IWS1: variants seen among roughly 807,000 people sequenced by gnomAD.
IWS1 encodes the protein protein IWS1 homolog.
A neutral mutation model predicts 86.7 loss-of-function variants in IWS1; 27 were observed. The ratio of observed to expected loss-of-function variants is 0.31; its 90% CI spans 0.23 to 0.43. The LOEUF (loss-of-function observed/expected upper bound fraction) is 0.43. Ranked by LOEUF, IWS1 falls within the 20% of genes least tolerant of loss-of-function variation. The pLI, the probability that IWS1 is intolerant of heterozygous loss-of-function variation, is 1.00. For missense variants in IWS1, 827 were observed against 1,000.8 expected, an observed-to-expected ratio of 0.83 and a Z score of 2.34; for synonymous variants, 313 against 335.1, an observed-to-expected ratio of 0.93 and a Z score of 0.72.
chr2:127,521,877 T>A (rs1047296731), intron 2 of IWS1, among the ~76,000 whole-genome samples: 1 of 152,220 alleles, frequency 6.6e-6, no homozygotes, highest in African/African-American at 2.4e-5. Context: ...AACTTGTAAC[T>A]GCACCATGAG....
Position 127,508,244 on chromosome 2 carries a change from A to G in IWS1, c.151-2492T>C, listed in dbSNP as rs538879030. ...CCTTAAGAGCTGCTGTCTGATGAGG[A>G]GCCAGCCAAGCATACTGTAACAGTA... On this transcript the variant is annotated intron_variant, in intron 2 of 13. Coordinates refer to ENST00000295321, the MANE Select transcript of IWS1 (RefSeq NM_017969.3). 2.8e-4 allele frequency among the ~76,000 whole-genome samples: 43 copies of G among 152,340 alleles called. No individual in the cohort carries two copies. The East Asian group carries it at 7.9e-3, about 28-fold the overall frequency.
At chr2:127,514,964 C>A (rs1187145245) in intron 2 of IWS1, 1 of 152,196 alleles carries the variant, frequency 6.6e-6, no homozygotes, top group Non-Finnish European at 1.5e-5. Context: ...TCCTGCCAAC[C>A]GGAAGTGGCA....
chr2:127,485,062 A>G (rs1471616986), intron 13 of IWS1, among the ~76,000 whole-genome samples: 1 of 152,156 alleles, frequency 6.6e-6, no homozygotes, highest in Non-Finnish European at 1.5e-5. Flanking sequence ...TACAGGGGAC[A>G]TGGAGAGGTG....
intron 13 of IWS1, chr2:127,485,950 A>T (rs1399777493): frequency 6.5e-6 from 1 of 153,696 alleles, no homozygotes. Flanking sequence ...TGACAGCACG[A>T]TGCACTTTGC....
intron 10 of IWS1, among the ~76,000 whole-genome samples, chr2:127,490,538 T>C (rs568015701): frequency 3.3e-5 from 5 of 152,226 alleles, no homozygotes; most frequent in Non-Finnish European, 7.3e-5. Flanking sequence ...AGACATAATG[T>C]AGCTTACTGC....
chr2:127,484,756 G>C (rs1689834659), intron 13 of IWS1: 1 of 152,230 alleles, frequency 6.6e-6, no homozygotes, highest in African/African-American at 2.4e-5. Flanking sequence ...TAATCCCTTT[G>C]GGAGGCCGAG....
chr2:127,518,290 C>T (rs777547), intron 2 of IWS1, among the ~76,000 whole-genome samples: 24,431 of 152,042 alleles, frequency 0.16, 3,683 homozygotes, highest in African/African-American at 0.39. Context: ...CCAAGGCGGG[C>T]GGATGGCTTG....
chr2:127,503,465 G>A lies in IWS1; in HGVS notation c.1331C>T (p.Ala444Val), dbSNP rs376558860. Residue 444 changes from alanine (A) to valine (V), a missense_variant, in exon 4 of 14, where the codon GCT becomes GTT. Physicochemically the swap from Ala to Val is moderately conservative, Grantham distance 64. Coordinates refer to ENST00000295321, the MANE Select transcript of IWS1 (RefSeq NM_017969.3). ...TTTCTTATCAGACAATTCTTTCCCAGCTTCTTCCTCACTGTCAGATGCTAT... is the reference window on the plus strand; with the variant it reads ...TTTCTTATCAGACAATTCTTTCCCAACTTCTTCCTCACTGTCAGATGCTAT... ...KTIASDSEEEAGKELSDKKNE... is the reference protein window; with the variant it reads ...KTIASDSEEEVGKELSDKKNE... 1.2e-5 allele frequency: 19 copies of A among 1,612,980 alleles called. No homozygotes were observed. The highest frequency in any genetic ancestry group is 6.7e-5 in the African/African-American group (5 of 74,872).
chr2:127,506,322 T>C (rs1573542544), intron 2 of IWS1, among the ~76,000 whole-genome samples: 3 of 152,044 alleles, frequency 2.0e-5, no homozygotes, highest in African/African-American at 2.4e-5. Context: ...GAGCTGAGAT[T>C]GCACCATCGC....
Position 127,526,279 on chromosome 2 carries a change from AC to A in IWS1, c.-72del, listed in dbSNP as rs1179621373. 3.9e-6 allele frequency: 6 copies of A among 1,545,986 alleles called. No homozygotes were observed. The highest frequency in any genetic ancestry group is 1.4e-5 in the African/African-American group (1 of 73,084). ...CCGTCACCTCCTTCCAGGCGGTGTG[AC>A]CCCGGATGGCGCGGCTAAGTGTTCA... On this transcript the variant is annotated 5_prime_UTR_variant, in exon 1 of 14. Transcript: ENST00000295321.
chr2:127,498,978 A>C (rs1690655450), intron 5 of IWS1: 2 of 152,158 alleles, frequency 1.3e-5, no homozygotes. Context: ...TCAGTATGTA[A>C]AATCTCTTTG....
intron 2 of IWS1, among the ~76,000 whole-genome samples, chr2:127,506,985 A>G (rs1691181899): frequency 6.6e-6 from 1 of 152,242 alleles, no homozygotes; most frequent in Admixed American, 6.5e-5. Flanking sequence ...ATTCTAGCTT[A>G]AAAAGTGAAA....
intron 2 of IWS1, among the ~76,000 whole-genome samples, chr2:127,512,092 T>A (rs1170450580): frequency 6.6e-6 from 1 of 152,178 alleles, no homozygotes; most frequent in Non-Finnish European, 1.5e-5. Context: ...CCAAACAACA[T>A]CTTCCTCAAT....
chr2:127,487,266 C>G (rs1241980388), intron 12 of IWS1, among the ~76,000 whole-genome samples: 1 of 152,214 alleles, frequency 6.6e-6, no homozygotes, highest in Non-Finnish European at 1.5e-5. Context: ...AGTATCACAA[C>G]CAGGATACTG....
chr2:127,509,457 C>A (rs1691324781), intron 2 of IWS1, among the ~76,000 whole-genome samples: 1 of 151,992 alleles, frequency 6.6e-6, no homozygotes, highest in Non-Finnish European at 1.5e-5. Context: ...GCCTGTAATC[C>A]CAGCACTTTG....
At chr2:127,522,847 A>AG (rs1186405471) in intron 2 of IWS1, among the ~76,000 whole-genome samples, 1 of 152,252 alleles carries the variant, frequency 6.6e-6, no homozygotes, top group Non-Finnish European at 1.5e-5. Flanking sequence ...TATGTATTAG[A>AG]GCAAATACGT....
chr2:127,493,431 A>T (rs761978622), intron 8 of IWS1, 21 bp from the exon 9 acceptor site: 1 of 1,581,026 alleles, frequency 6.3e-7, no homozygotes, highest in South Asian at 1.2e-5. Context: ...AATAATTTTT[A>T]AAAATTCTGT....
chr2:127,507,637 A>C (rs566321821), intron 2 of IWS1, among the ~76,000 whole-genome samples: 7 of 152,328 alleles, frequency 4.6e-5, no homozygotes, highest in Non-Finnish European at 1.0e-4. Flanking sequence ...TTCATAATTT[A>C]AAAGAATGCA....
At chr2:127,506,803 C>T (rs768463108) in intron 2 of IWS1, 1 of 166,616 alleles carries the variant, frequency 6.0e-6, no homozygotes, top group Non-Finnish European at 1.5e-5. Flanking sequence ...AATAATTACT[C>T]TGAAAACATG....
Sources: gnomAD v4.1 joint callset for allele counts (sites outside exome capture counted in the v4.1 genomes callset) on GRCh38, gnomAD v4.1.1 for gene constraint, MANE v1.5 for transcripts, NCBI Gene and HGNC (gene_info 2026-07-23, HGNC 2026-07-21) for gene names.